PLOD2: variants seen among roughly 807,000 people sequenced by gnomAD.
The protein encoded by PLOD2 is procollagen-lysine,2-oxoglutarate 5-dioxygenase 2, also known as lysine hydroxylase 2.
In PLOD2, 65 loss-of-function variants were observed where a neutral mutation model predicts 101.0. The ratio of observed to expected loss-of-function variants is 0.64; its 90% CI spans 0.53 to 0.79. PLOD2 has a LOEUF of 0.79. PLOD2 is among the 30% of genes least tolerant of loss of function. PLOD2 has a pLI of 0.00. For missense variants in PLOD2, 909 were observed against 914.6 expected, an observed-to-expected ratio of 0.99 and a Z score of 0.08; for synonymous variants, 314 against 302.9, an observed-to-expected ratio of 1.04 and a Z score of -0.38.
At chr3:146,144,897 G>C (rs1449991616) in intron 1 of PLOD2, among the ~76,000 whole-genome samples, 1 of 151,980 alleles carries the variant, frequency 6.6e-6, no homozygotes, top group Non-Finnish European at 1.5e-5. Flanking sequence ...TTTACTAATT[G>C]ATAGTGTGTT....
intron 4 of PLOD2, among the ~76,000 whole-genome samples, chr3:146,109,563 A>G (rs1456294288): frequency 6.6e-6 from 1 of 152,226 alleles, no homozygotes; most frequent in East Asian, 1.9e-4. Context: ...TGTGGTTTGC[A>G]ATTTGTACCC....
chr3:146,132,640 G>C (rs2030987003), intron 1 of PLOD2, among the ~76,000 whole-genome samples: 1 of 151,390 alleles, frequency 6.6e-6, no homozygotes, highest in Non-Finnish European at 1.5e-5. Flanking sequence ...ATTTTTTCCA[G>C]TGATATACCC....
rs1259102461 is a variant in PLOD2, at chr3:146,124,232, G to A, written c.110-3C>T. The A allele has an allele frequency of 6.6e-7, 1 of 1,520,546 alleles. No homozygotes were observed. The highest frequency in any genetic ancestry group is 2.3e-5 in the East Asian group (1 of 44,320). 94.2% of individuals were successfully genotyped at this position (1,520,546 alleles called of 1,614,324 possible). On this transcript the variant is annotated splice_region_variant and splice_polypyrimidine_tract_variant and intron_variant, in intron 1 of 19. Coordinates refer to ENST00000282903, the MANE Select transcript of PLOD2 (RefSeq NM_182943.3). ...TACAGTTATGACTAATAATTTATCT[G>A]CAAAGACAAAAGGAAACAAAAGAAG...
intron 3 of PLOD2, among the ~76,000 whole-genome samples, chr3:146,117,939 C>G (rs1398636263): frequency 6.6e-6 from 1 of 151,526 alleles, no homozygotes; most frequent in Non-Finnish European, 1.5e-5. Flanking sequence ...GATAGGGGGC[C>G]GGAGGTGGGG....
intron 13 of PLOD2, 141 bp from the exon 14 acceptor site, chr3:146,078,065 A>G: frequency 2.8e-6 from 2 of 710,132 alleles, no homozygotes; most frequent in South Asian, 1.6e-5. Context: ...CAGAACAAGC[A>G]AAGCTTATAG....
At chr3:146,127,950 A>C (rs969944159) in intron 1 of PLOD2, among the ~76,000 whole-genome samples, 8 of 152,188 alleles carry the variant, frequency 5.3e-5, no homozygotes, top group Non-Finnish European at 1.0e-4. Flanking sequence ...GGAAAATAGT[A>C]TGGAAAGTTA....
At chr3:146,087,262 G>A (rs557377903) in intron 9 of PLOD2, among the ~76,000 whole-genome samples, 11 of 151,928 alleles carry the variant, frequency 7.2e-5, no homozygotes, top group African/African-American at 1.4e-4. Context: ...AGAAAAACAC[G>A]GCCTGTAGCC....
chr3:146,095,453 A>T, intron 7 of PLOD2, among the ~76,000 whole-genome samples: 1 of 152,136 alleles, frequency 6.6e-6, no homozygotes, highest in East Asian at 1.9e-4. Flanking sequence ...ACAAACATGA[A>T]AAAAAAGCTC....
intron 3 of PLOD2, among the ~76,000 whole-genome samples, chr3:146,112,467 A>C (rs1347245869): frequency 6.6e-6 from 1 of 152,044 alleles, no homozygotes; most frequent in Non-Finnish European, 1.5e-5. Flanking sequence ...ATGGACACAG[A>C]GAGGGGAACA....
intron 3 of PLOD2, among the ~76,000 whole-genome samples, chr3:146,113,860 C>T (rs374524330): frequency 2.2e-4 from 34 of 152,258 alleles, no homozygotes; most frequent in Admixed American, 9.8e-4. Context: ...GAGAGCCGGG[C>T]GGAACAGAGC....
At chr3:146,101,149 T>G (rs2108051272) in intron 7 of PLOD2, among the ~76,000 whole-genome samples, 2 of 152,186 alleles carry the variant, frequency 1.3e-5, no homozygotes, top group Admixed American at 1.3e-4. Flanking sequence ...ATCTACCACT[T>G]GAGTATTCTG....
chr3:146,129,360 G>A (rs746367396), intron 1 of PLOD2, among the ~76,000 whole-genome samples: 3 of 152,056 alleles, frequency 2.0e-5, no homozygotes, highest in Non-Finnish European at 2.9e-5. Context: ...GGCTGGCTGT[G>A]CAAAAACAGC....
At chr3:146,145,227 T>C (rs577442480) in intron 1 of PLOD2, among the ~76,000 whole-genome samples, 6 of 152,272 alleles carry the variant, frequency 3.9e-5, no homozygotes, top group African/African-American at 1.4e-4. Context: ...CAAATGTTTT[T>C]AGCTGTATCA....
chr3:146,096,032 G>GC (rs1330606743), intron 7 of PLOD2, among the ~76,000 whole-genome samples: 1 of 147,198 alleles, frequency 6.8e-6, no homozygotes, highest in African/African-American at 2.5e-5. Context: ...GATTGCAGGC[G>GC]CGCGCCGCCA....
chr3:146,097,028 C>T (rs1249752897), intron 7 of PLOD2, among the ~76,000 whole-genome samples: 1 of 148,110 alleles, frequency 6.8e-6, no homozygotes, highest in African/African-American at 2.5e-5. Flanking sequence ...CCCGGCCAGC[C>T]GCCCCGTCCG....
At chr3:146,139,137 A>T (rs946817078) in intron 1 of PLOD2, among the ~76,000 whole-genome samples, 1 of 152,160 alleles carries the variant, frequency 6.6e-6, no homozygotes, top group Non-Finnish European at 1.5e-5. Context: ...ACGGTAGTAA[A>T]GGAGGTAAAA....
chr3:146,119,454 T>TTA (rs1938080149), intron 3 of PLOD2, among the ~76,000 whole-genome samples: 1 of 151,904 alleles, frequency 6.6e-6, no homozygotes, highest in Non-Finnish European at 1.5e-5. Context: ...TCTTTTTTTT[T>TTA]ATTATACTTT....
In PLOD2 at chr3:146,076,849, A is replaced by G; in HGVS notation, c.1610T>C (p.Leu537Ser). The part of the protein sequence containing the change: ...ISNRHEFGRL[L>S]STANYNTSHY... ...GGAAGTATTGTAATTAGCAGTGGAT[A>G]ATAGCCTTCCAAATTCATGTCTATT... The change falls in exon 15 of 20, where the codon TTA becomes TCA. Residue 537 changes from leucine (L) to serine (S), a missense_variant. By Grantham distance (145) the Leu-to-Ser change is moderately radical (BLOSUM62 -2). Transcript: ENST00000282903. 6.3e-7 allele frequency: 1 copy of G among 1,592,260 alleles called. No homozygotes were observed. The highest frequency in any genetic ancestry group is 1.1e-5 in the South Asian group (1 of 90,244).
At position 146,077,110 on chromosome 3, in the gene PLOD2, G is replaced by A. The variant is rs1936375312; in HGVS notation, c.1564-215C>T. 2.3e-5 allele frequency: 27 copies of A among 1,194,722 alleles called. No individual in the cohort carries two copies. The South Asian group carries it at 6.2e-4, about 27-fold the overall frequency. 74.0% of individuals were successfully genotyped at this position (1,194,722 alleles called of 1,614,324 possible). ...CCACACAAAACTAGTAGATAGCACT[G>A]ACACTCAACTGAAAAAAAGAAGAAT... On this transcript the variant is annotated intron_variant, in intron 14 of 19. Transcript: ENST00000282903.
Sources: allele counts gnomAD v4.1 joint callset (sites outside exome capture counted in the v4.1 genomes callset), GRCh38; gene constraint gnomAD v4.1.1; transcripts MANE v1.5; gene names NCBI Gene and HGNC (gene_info 2026-07-23, HGNC 2026-07-21).